Variants in CNTN1 observed in about 807,000 individuals in gnomAD.
CNTN1 encodes the protein contactin-1.
CNTN1 carries 38 observed loss-of-function variants against 126.4 expected under a neutral mutation model. The ratio of observed to expected loss-of-function variants is 0.30; its 90% CI spans 0.23 to 0.39. The LOEUF (loss-of-function observed/expected upper bound fraction) is 0.39. Ranked by LOEUF, CNTN1 falls within the 10% of genes least tolerant of loss-of-function variation. The pLI is 1.00. For synonymous variants in CNTN1, 413 were observed against 422.6 expected (o/e 0.98, Z 0.28); for missense variants, 1,009 against 1,248.4 (o/e 0.81, Z 2.89).
chr12:40,885,726 C>T (rs1214591674), intron 1 of CNTN1, among the ~76,000 whole-genome samples: 1 of 151,996 alleles, frequency 6.6e-6, no homozygotes, highest in Non-Finnish European at 1.5e-5. Context: ...TTTTTCTTCT[C>T]TAATAAATTT....
chr12:41,002,255 C>T (rs1465194976), intron 17 of CNTN1, among the ~76,000 whole-genome samples: 2 of 151,994 alleles, frequency 1.3e-5, no homozygotes, highest in African/African-American at 4.8e-5. Flanking sequence ...AGTATTGATG[C>T]TTTCTATCCA....
intron 12 of CNTN1, among the ~76,000 whole-genome samples, chr12:40,940,849 G>T (rs1946242078): frequency 6.6e-6 from 1 of 152,142 alleles, no homozygotes; most frequent in African/African-American, 2.4e-5. Context: ...TGTTCAATTT[G>T]CCGCTGAAAC....
chr12:40,910,677 T>G (rs1188679693), intron 3 of CNTN1, among the ~76,000 whole-genome samples: 1 of 152,240 alleles, frequency 6.6e-6, no homozygotes, highest in African/African-American at 2.4e-5. Context: ...CAGTACTTAC[T>G]AGATGATTTT....
intron 1 of CNTN1, among the ~76,000 whole-genome samples, chr12:40,783,453 A>C (rs1232928515): frequency 6.6e-6 from 1 of 152,050 alleles, no homozygotes; most frequent in Non-Finnish European, 1.5e-5. Flanking sequence ...GCTTGACCTT[A>C]AAATGTTGAC....
chr12:40,850,117 T>C (rs1942664867), intron 1 of CNTN1, among the ~76,000 whole-genome samples: 1 of 152,148 alleles, frequency 6.6e-6, no homozygotes, highest in Non-Finnish European at 1.5e-5. Context: ...GTCAATTCTA[T>C]TTAATTTGAA....
chr12:41,021,280 C>T (rs1014516308), intron 20 of CNTN1, among the ~76,000 whole-genome samples: 13 of 152,056 alleles, frequency 8.5e-5, no homozygotes, highest in African/African-American at 2.9e-4. Context: ...GGTTTTATTG[C>T]CACACATCAC....
At chr12:40,988,123 C>T (rs1948009892) in intron 16 of CNTN1, among the ~76,000 whole-genome samples, 1 of 152,116 alleles carries the variant, frequency 6.6e-6, no homozygotes, top group Non-Finnish European at 1.5e-5. Flanking sequence ...CCTATGGCTC[C>T]TTCCAGAGTC....
At chr12:40,934,765 C>T (rs1042178118) in intron 9 of CNTN1, among the ~76,000 whole-genome samples, 3 of 152,000 alleles carry the variant, frequency 2.0e-5, no homozygotes, top group South Asian at 4.1e-4. Flanking sequence ...CTTAATTGCA[C>T]TCCAACATGA....
chr12:40,752,368 T>C (rs758795560), intron 1 of CNTN1, among the ~76,000 whole-genome samples: 36 of 152,118 alleles, frequency 2.4e-4, no homozygotes, highest in Middle Eastern at 3.2e-3. Flanking sequence ...GACTATAACC[T>C]TGGGATTTTA....
chr12:40,961,619 A>G (rs7979570), intron 15 of CNTN1, among the ~76,000 whole-genome samples: 14 of 151,610 alleles, frequency 9.2e-5, no homozygotes, highest in African/African-American at 3.4e-4. Flanking sequence ...GTGTATGTAC[A>G]TTTTCCTGGG....
chr12:40,859,530 GA>G lies in CNTN1; in HGVS notation c.-76-48818del, dbSNP rs756497591. ...AAATAAGTAAACAAATTGTGCAATGGAAAAAAAAACAACGACAAAAAGATTT... is the reference window on the plus strand; with the variant it reads ...AAATAAGTAAACAAATTGTGCAATGGAAAAAAAACAACGACAAAAAGATTT... On this transcript the variant is annotated intron_variant, in intron 1 of 23. Transcript: ENST00000551295. Among the ~76,000 whole-genome samples, 5 of 138,404 alleles carry G rather than the reference GA, an allele frequency of 3.6e-5. No homozygotes were observed. The East Asian group carries it at 8.3e-4, about 23-fold the overall frequency. 90.8% of individuals were successfully genotyped at this position (138,404 alleles called of 152,430 possible). A position where few individuals can be genotyped will look rare whatever the true frequency, so the allele number is the denominator to read the frequency against.
chr12:41,015,593 A>T (rs1592407432), intron 18 of CNTN1, among the ~76,000 whole-genome samples: 1 of 152,170 alleles, frequency 6.6e-6, no homozygotes, highest in Non-Finnish European at 1.5e-5. Context: ...GTGCAACCAC[A>T]TACAGCTTCT....
intron 1 of CNTN1, among the ~76,000 whole-genome samples, chr12:40,767,988 C>T (rs1449615429): frequency 1.1e-4 from 1 of 9,310 alleles, no homozygotes; most frequent in Admixed American, 2.3e-3. Context: ...CTTCTAAAGA[C>T]TGATCATTTC....
At chr12:41,014,181 G>A in intron 17 of CNTN1, 47 bp from the exon 18 acceptor site, 1 of 1,570,992 alleles carries the variant, frequency 6.4e-7, no homozygotes, top group Non-Finnish European at 8.8e-7. Flanking sequence ...AAAAATGCAG[G>A]CCCTCTTTTT....
intron 1 of CNTN1, among the ~76,000 whole-genome samples, chr12:40,905,580 G>A (rs1187290052): frequency 6.6e-6 from 1 of 151,994 alleles, no homozygotes; most frequent in African/African-American, 2.4e-5. Context: ...ACTCAGGCTG[G>A]AGTACAGTTA....
intron 17 of CNTN1, among the ~76,000 whole-genome samples, chr12:41,000,365 C>A (rs1013303911): frequency 4.6e-5 from 7 of 152,090 alleles, no homozygotes; most frequent in Non-Finnish European, 8.8e-5. Context: ...GATTATAGGA[C>A]AACTTACTTT....
At chr12:40,707,779 C>T (rs1941809677) in intron 1 of CNTN1, among the ~76,000 whole-genome samples, 1 of 152,016 alleles carries the variant, frequency 6.6e-6, no homozygotes, top group South Asian at 2.1e-4. Flanking sequence ...ATAAAAAATA[C>T]TTTGAAGTCT....
rs1186070791 is a variant in CNTN1, at chr12:40,758,096, A to T, written c.-77+65504A>T. 9.9e-5 allele frequency among the ~76,000 whole-genome samples: 15 copies of T among 151,066 alleles called. No individual in the cohort carries two copies. The East Asian group carries it at 2.1e-3, about 22-fold the overall frequency. Reference sequence around the variant, plus strand: ...CTTTAATTTGGTGCCTTAGAGAAAGAAATTTTTTCCACATTGTAGATAGTT... The same window carrying T: ...CTTTAATTTGGTGCCTTAGAGAAAGTAATTTTTTCCACATTGTAGATAGTT... On this transcript the variant is annotated intron_variant, in intron 1 of 23. Transcript: ENST00000551295.
chr12:40,918,669 T>A lies in CNTN1; in HGVS notation c.125T>A (p.Ile42Asn), dbSNP rs750317692. Residue 42 changes from isoleucine to asparagine, a missense_variant, in exon 4 of 24, where the codon ATT (isoleucine) becomes AAT (asparagine). Transcript: ENST00000551295. ...GAGGAAGACAAAGGATTTGGACCAA[T>A]TTTTGAAGAGCAGCCAATCAATACC... ...VSEEDKGFGP[I>N]FEEQPINTIY... The A allele has an allele frequency of 1.2e-6, 2 of 1,613,550 alleles. No individual in the cohort carries two copies. Among genetic ancestry groups the A allele is most frequent in the South Asian group, 1.1e-5 (1 of 91,082 alleles).
Sources: gnomAD v4.1 joint callset for allele counts (sites outside exome capture counted in the v4.1 genomes callset) on GRCh38, gnomAD v4.1.1 for gene constraint, MANE v1.5 for transcripts, NCBI Gene and HGNC (gene_info 2026-07-23, HGNC 2026-07-21) for gene names.